CSGALNACT1: variants seen among roughly 807,000 people sequenced by gnomAD.
CSGALNACT1 encodes the protein chondroitin sulfate N-acetylgalactosaminyltransferase 1.
A neutral mutation model predicts 51.0 loss-of-function variants in CSGALNACT1; 52 were observed. That is an observed-to-expected ratio of 1.02 (90% confidence interval 0.82 to 1.29). CSGALNACT1 has a LOEUF of 1.29. Ranked by LOEUF, CSGALNACT1 falls within the 50% of genes most tolerant of loss-of-function variation. CSGALNACT1 has a pLI of 0.00. For synonymous variants in CSGALNACT1, 341 were observed against 254.4 expected, an observed-to-expected ratio of 1.34 and a Z score of -3.24; for missense variants, 935 against 679.2, an observed-to-expected ratio of 1.38 and a Z score of -4.19.
rs925067473 is a variant in CSGALNACT1, at chr8:19,459,476, C to G, written c.635-834G>C. ...CTATTTGGGACCCCTGGGAGTAGCT[C>G]AGTTCTGGTCACATGGGTTGGGGGA... On this transcript the variant is annotated intron_variant, in intron 4 of 9. Coordinates refer to ENST00000454498, the Ensembl canonical transcript of CSGALNACT1. Among the ~76,000 whole-genome samples, 9 of 151,224 alleles carry G rather than the reference C, an allele frequency of 6.0e-5. No individual in the cohort carries two copies. In the East Asian group the frequency reaches 1.6e-3, roughly 26 times the overall value.
intron 3 of CSGALNACT1, among the ~76,000 whole-genome samples, chr8:19,513,865 C>T (rs1045707876): frequency 5.9e-5 from 9 of 152,026 alleles, no homozygotes; most frequent in African/African-American, 2.2e-4. Context: ...AATTATAGAA[C>T]CACCCACATG....
intron 3 of CSGALNACT1, among the ~76,000 whole-genome samples, chr8:19,566,874 C>A (rs2042008889): frequency 6.6e-6 from 1 of 152,212 alleles, no homozygotes; most frequent in African/African-American, 2.4e-5. Context: ...GCCAACCCCC[C>A]TTTTTCTAAG....
chr8:19,432,618 TTC>T (rs2059804474), intron 6 of CSGALNACT1, among the ~76,000 whole-genome samples: 1 of 151,540 alleles, frequency 6.6e-6, no homozygotes, highest in African/African-American at 2.4e-5. Flanking sequence ...TCATTCTTTT[TTC>T]TGTTTTTTTC....
chr8:19,748,466 G>T (rs1472558746), intron 1 of CSGALNACT1, among the ~76,000 whole-genome samples: 1 of 152,142 alleles, frequency 6.6e-6, no homozygotes, highest in East Asian at 1.9e-4. Flanking sequence ...AATATAGCAT[G>T]CTCCTCCTCA....
chr8:19,430,180 C>G (rs571475425), intron 6 of CSGALNACT1, among the ~76,000 whole-genome samples: 2 of 152,230 alleles, frequency 1.3e-5, no homozygotes, highest in African/African-American at 4.8e-5. Flanking sequence ...TTTATGGTAG[C>G]ACAAAAGTTT....
chr8:19,558,490 C>G (rs1490799558), intron 3 of CSGALNACT1, among the ~76,000 whole-genome samples: 1 of 152,072 alleles, frequency 6.6e-6, no homozygotes, highest in East Asian at 1.9e-4. Context: ...TCTGAACATT[C>G]TTGAAAAGGG....
chr8:19,458,658 CA>C lies in CSGALNACT1; in HGVS notation c.635-17del. 1.2e-6 allele frequency: 2 copies of C among 1,611,986 alleles called. No homozygotes were observed. Among genetic ancestry groups the C allele is most frequent in the Non-Finnish European group, 1.7e-6 (2 of 1,178,112 alleles). ...CGGTAGATCCCTGTTAAGAGAAAAA[CA>C]AGGAAAGATAGTTCTAAAAATTAAC... On this transcript the variant is annotated splice_polypyrimidine_tract_variant and intron_variant, in intron 4 of 9. Transcript: ENST00000454498.
chr8:19,630,207 T>C (rs377082108), intron 1 of CSGALNACT1, among the ~76,000 whole-genome samples: 1,566 of 110,828 alleles, frequency 0.014, 12 homozygotes, highest in Non-Finnish European at 0.018. Context: ...TGTGTGTGTG[T>C]GTGTGTGTGT....
chr8:19,545,311 A>C (rs2086211613), intron 3 of CSGALNACT1, among the ~76,000 whole-genome samples: 2 of 152,118 alleles, frequency 1.3e-5, no homozygotes, highest in South Asian at 4.1e-4. Context: ...AAAAATCATT[A>C]TTTTTCTATA....
rs144161716 is a variant in CSGALNACT1, at chr8:19,592,709, G to A, written c.-415-1431C>T. Among the ~76,000 whole-genome samples, 358 of 152,192 alleles carry A rather than the reference G, an allele frequency of 2.4e-3. 2 individuals carry two copies. Among genetic ancestry groups the A allele is most frequent in the African/African-American group, 8.2e-3 (341 of 41,522 alleles). The stretch of plus-strand genomic sequence containing the variant: ...GCAGAGGCTGCAGTGAGCCAAGATC[G>A]CACCACTGTGCCACTGCACCACTGC... On this transcript the variant is annotated intron_variant, in intron 2 of 9. Coordinates refer to ENST00000454498, the Ensembl canonical transcript of CSGALNACT1.
At chr8:19,506,619 T>C (rs2077380983) in intron 3 of CSGALNACT1, among the ~76,000 whole-genome samples, 1 of 152,176 alleles carries the variant, frequency 6.6e-6, no homozygotes, top group African/African-American at 2.4e-5. Flanking sequence ...AGTGTTTAGA[T>C]CATGGGAGTG....
intron 1 of CSGALNACT1, among the ~76,000 whole-genome samples, chr8:19,665,213 C>T (rs2059093381): frequency 6.6e-6 from 1 of 152,038 alleles, no homozygotes; most frequent in Admixed American, 6.6e-5. Flanking sequence ...GGTGTCGTAC[C>T]CCTTAAATTT....
At chr8:19,593,335 T>C (rs1380092325) in intron 2 of CSGALNACT1, among the ~76,000 whole-genome samples, 1 of 152,194 alleles carries the variant, frequency 6.6e-6, no homozygotes, top group African/African-American at 2.4e-5. Context: ...ATGAACAAGA[T>C]ATATAGGGAC....
At chr8:19,488,288 T>C (rs946770241) in intron 4 of CSGALNACT1, among the ~76,000 whole-genome samples, 2 of 150,460 alleles carry the variant, frequency 1.3e-5, no homozygotes, top group Admixed American at 6.7e-5. Flanking sequence ...AGGCAGAGAT[T>C]GCAGTGAGCT....
intron 1 of CSGALNACT1, among the ~76,000 whole-genome samples, chr8:19,658,193 G>A (rs1047721934): frequency 6.6e-6 from 1 of 151,400 alleles, no homozygotes; most frequent in Non-Finnish European, 1.5e-5. Flanking sequence ...AACAGAATTA[G>A]TGCCCTTATA....
At chr8:19,548,952 G>C (rs1486681494) in intron 3 of CSGALNACT1, among the ~76,000 whole-genome samples, 1 of 152,126 alleles carries the variant, frequency 6.6e-6, no homozygotes, top group Non-Finnish European at 1.5e-5. Flanking sequence ...CCAAGTAGCT[G>C]AGACTACAGG....
chr8:19,620,632 A>G (rs376276710), intron 1 of CSGALNACT1, among the ~76,000 whole-genome samples: 94 of 152,206 alleles, frequency 6.2e-4, no homozygotes, highest in African/African-American at 2.2e-3. Flanking sequence ...TGGGGGTCTC[A>G]CTACGTTGCC....
At chr8:19,481,612 C>T (rs1179792332) in intron 4 of CSGALNACT1, among the ~76,000 whole-genome samples, 1 of 152,130 alleles carries the variant, frequency 6.6e-6, no homozygotes, top group African/African-American at 2.4e-5. Context: ...AAGTCCCAAA[C>T]TGGAGATAAG....
intron 1 of CSGALNACT1, among the ~76,000 whole-genome samples, chr8:19,660,055 C>T (rs188135982): frequency 3.3e-5 from 5 of 152,208 alleles, no homozygotes; most frequent in Non-Finnish European, 5.9e-5. Flanking sequence ...AACTGACGCA[C>T]GGGGAAGTTA....
Sources: gnomAD v4.1 joint callset for allele counts (sites outside exome capture counted in the v4.1 genomes callset) on GRCh38, gnomAD v4.1.1 for gene constraint, MANE v1.5 for transcripts, NCBI Gene and HGNC (gene_info 2026-07-23, HGNC 2026-07-21) for gene names.